MGMT: variants seen among roughly 807,000 people sequenced by gnomAD.
MGMT encodes methylated-DNA--protein-cysteine methyltransferase.
In MGMT, 14 loss-of-function variants were observed where a neutral mutation model predicts 15.9. That is an observed-to-expected ratio of 0.88 (90% CI 0.58 to 1.37). The LOEUF (loss-of-function observed/expected upper bound fraction) is 1.37. Ranked by LOEUF, MGMT falls within the 40% of genes most tolerant of loss-of-function variation. The pLI is 0.00. For synonymous variants in MGMT, 130 were observed against 118.2 expected (o/e 1.10, Z -0.65); for missense variants, 282 against 268.1 (o/e 1.05, Z -0.36).
intron 1 of MGMT, among the ~76,000 whole-genome samples, chr10:129,513,127 G>A (rs553872748): frequency 6.2e-4 from 94 of 152,266 alleles, no homozygotes; most frequent in African/African-American, 1.8e-3. Flanking sequence ...AAGACATTAC[G>A]CTGAGTGATA....
intron 2 of MGMT, among the ~76,000 whole-genome samples, chr10:129,614,615 T>C (rs190099433): frequency 1.8e-3 from 276 of 152,344 alleles, no homozygotes; most frequent in African/African-American, 6.3e-3. Context: ...TATCTGCTGC[T>C]CTGAAGGAAG....
At chr10:129,510,990 C>A (rs1018846630) in intron 1 of MGMT, among the ~76,000 whole-genome samples, 3 of 148,076 alleles carry the variant, frequency 2.0e-5, no homozygotes, top group Admixed American at 6.8e-5. Context: ...ACCCTGTATA[C>A]CGTCCGCAGC....
At chr10:129,564,707 TC>T (rs1177529417) in intron 2 of MGMT, among the ~76,000 whole-genome samples, 2 of 137,354 alleles carry the variant, frequency 1.5e-5, no homozygotes, top group South Asian at 2.8e-4. Context: ...TTCCTCCTCT[TC>T]CTCCTCCTCC....
At chr10:129,628,573 A>C (rs1285749608) in intron 2 of MGMT, among the ~76,000 whole-genome samples, 1 of 152,186 alleles carries the variant, frequency 6.6e-6, no homozygotes, top group Non-Finnish European at 1.5e-5. Flanking sequence ...CCCTGAACAG[A>C]ATCATTTGGC....
intron 1 of MGMT, among the ~76,000 whole-genome samples, chr10:129,484,769 G>C (rs938376372): frequency 2.0e-5 from 3 of 152,048 alleles, no homozygotes; most frequent in African/African-American, 7.2e-5. Context: ...TCTTGAAATT[G>C]TTTGTATCCT....
At chr10:129,698,254 A>G (rs1219716081) in intron 2 of MGMT, among the ~76,000 whole-genome samples, 1 of 152,188 alleles carries the variant, frequency 6.6e-6, no homozygotes, top group African/African-American at 2.4e-5. Flanking sequence ...TGTGCGTCAT[A>G]GCGTTTGCAT....
At chr10:129,481,620 A>G (rs767514292) in intron 1 of MGMT, among the ~76,000 whole-genome samples, 2 of 152,170 alleles carry the variant, frequency 1.3e-5, no homozygotes, top group Non-Finnish European at 2.9e-5. Context: ...TTTAGTAGCT[A>G]TAGGGCCATT....
chr10:129,489,364 A>G (rs1845444777), intron 1 of MGMT, among the ~76,000 whole-genome samples: 1 of 150,290 alleles, frequency 6.7e-6, no homozygotes, highest in Admixed American at 6.6e-5. Flanking sequence ...TGTCTCAAAA[A>G]AAAAAAAAAA....
At chr10:129,693,299 A>T (rs550075212) in intron 2 of MGMT, among the ~76,000 whole-genome samples, 2 of 152,228 alleles carry the variant, frequency 1.3e-5, no homozygotes, top group African/African-American at 2.4e-5. Context: ...ATAAAGGTCA[A>T]TGCCACTTCT....
chr10:129,531,634 A>G (rs1470824913), intron 1 of MGMT, among the ~76,000 whole-genome samples: 1 of 151,984 alleles, frequency 6.6e-6, no homozygotes, highest in Non-Finnish European at 1.5e-5. Flanking sequence ...TCGGCACTAA[A>G]CTAACTTCTA....
rs772271122 is a variant in MGMT, at chr10:129,708,112, A to G, written c.274+69A>G. 1.6e-5 allele frequency: 25 copies of G among 1,532,006 alleles called. No individual in the cohort carries two copies. The Admixed American group carries it at 3.8e-4, about 23-fold the overall frequency. 94.9% of individuals were successfully genotyped at this position (1,532,006 alleles called of 1,614,324 possible). ...ACTTATTAACGATCGCTGACATCAC[A>G]GTTCATTTTATTGAGTATACCAACT... On this transcript the variant is annotated intron_variant, in intron 3 of 4. Coordinates refer to ENST00000651593, the MANE Select transcript of MGMT (RefSeq NM_002412.5).
chr10:129,567,640 A>G (rs907548142), intron 2 of MGMT, among the ~76,000 whole-genome samples: 1 of 152,256 alleles, frequency 6.6e-6, no homozygotes. Context: ...GTAGTAATAA[A>G]AGCACGGGTA....
chr10:129,732,723 A>C, intron 3 of MGMT, among the ~76,000 whole-genome samples: 1 of 123,586 alleles, frequency 8.1e-6, no homozygotes, highest in South Asian at 3.1e-4. Flanking sequence ...CCACCCCACA[A>C]CAGTCCCCAG....
chr10:129,558,870 G>A (rs987895411), intron 2 of MGMT, among the ~76,000 whole-genome samples: 1 of 152,050 alleles, frequency 6.6e-6, no homozygotes, highest in African/African-American at 2.4e-5. Context: ...TTTCCATTTC[G>A]ATCTCAGATA....
chr10:129,510,873 G>A (rs1472031334), intron 1 of MGMT, among the ~76,000 whole-genome samples: 1 of 151,176 alleles, frequency 6.6e-6, no homozygotes, highest in Admixed American at 6.6e-5. Flanking sequence ...ATCGGATGCA[G>A]CCACATGCTT....
intron 2 of MGMT, among the ~76,000 whole-genome samples, chr10:129,545,907 G>C (rs560023951): frequency 6.6e-5 from 10 of 152,318 alleles, no homozygotes; most frequent in Admixed American, 1.3e-4. Context: ...TTAATGTACA[G>C]GGTAGCTCTT....
chr10:129,563,127 C>T (rs891683269), intron 2 of MGMT, among the ~76,000 whole-genome samples: 15 of 152,126 alleles, frequency 9.9e-5, no homozygotes, highest in African/African-American at 3.1e-4. Context: ...GGAACCATGG[C>T]GTTTGGTGTA....
chr10:129,652,487 G>A (rs555742175), intron 2 of MGMT, among the ~76,000 whole-genome samples: 7 of 152,362 alleles, frequency 4.6e-5, no homozygotes, highest in Admixed American at 2.6e-4. Flanking sequence ...TAGTATGTGC[G>A]TGCGCCCATG....
At chr10:129,599,761 T>C (rs1436340448) in intron 2 of MGMT, among the ~76,000 whole-genome samples, 1 of 152,212 alleles carries the variant, frequency 6.6e-6, no homozygotes, top group Non-Finnish European at 1.5e-5. Context: ...TATCTTTCTC[T>C]TTGAATAGGT....
Sources: allele counts gnomAD v4.1 joint callset (sites outside exome capture counted in the v4.1 genomes callset), GRCh38; gene constraint gnomAD v4.1.1; transcripts MANE v1.5; gene names NCBI Gene and HGNC (gene_info 2026-07-23, HGNC 2026-07-21).